The following CLINT1 variants were observed in gnomAD, a reference collection of about 807,000 sequenced individuals.
The protein encoded by CLINT1 is clathrin interactor 1.
A neutral mutation model predicts 70.4 loss-of-function variants in CLINT1; 15 were observed. The observed-to-expected ratio is 0.21, with a 90% CI of 0.14 to 0.33. The LOEUF is 0.33. CLINT1 is among the 10% of genes least tolerant of loss of function. The probability of loss-of-function intolerance (pLI) is 1.00; values close to 1 mark genes in which losing one functional copy is unlikely to be tolerated. For missense variants in CLINT1, 615 were observed against 778.1 expected (o/e 0.79, Z 2.49); for synonymous variants, 227 against 254.7 (o/e 0.89, Z 1.04).
In CLINT1 at chr5:157,797,543, G is replaced by A. The variant is rs574069046; in HGVS notation, c.1013-2571C>T. On this transcript the variant is annotated intron_variant, in intron 8 of 11. Coordinates refer to ENST00000411809, the MANE Select transcript of CLINT1 (RefSeq NM_014666.4). Reference sequence around the variant, plus strand: ...TGGGATTACAGGTGTCTGCCACCACGCCCAACTAATTTTTTTATTTTTAGT... The same window carrying A: ...TGGGATTACAGGTGTCTGCCACCACACCCAACTAATTTTTTTATTTTTAGT... Among the ~76,000 whole-genome samples, 11 of 151,938 alleles carry A rather than the reference G, an allele frequency of 7.2e-5. No individual in the cohort carries two copies. In the South Asian group the frequency reaches 2.1e-3, roughly 29 times the overall value.
Position 157,803,664 on chromosome 5 carries a change from G to A in CLINT1, c.998C>T (p.Thr333Ile). ...SGDLVDLFDG[T>I]SQSTGGSADL... The stretch of plus-strand genomic sequence containing the variant: ...TAGAAGCTTACCTGTTGACTGGCTG[G>A]TGCCATCAAACAGATCAACAAGGTC... Residue 333 changes from threonine to isoleucine, a missense_variant, in exon 8 of 12, where the codon ACC (threonine) becomes ATC (isoleucine). By Grantham distance (89) the Thr-to-Ile change is moderately conservative (BLOSUM62 -1). Around this residue, in one of 2 missense-constraint regions of CLINT1, gnomAD observed 374 missense variants for 409.6 expected, o/e 0.91. Coordinates refer to ENST00000411809, the MANE Select transcript of CLINT1 (RefSeq NM_014666.4). 6.6e-7 allele frequency: 1 copy of A among 1,524,288 alleles called. No homozygotes were observed. Among genetic ancestry groups the A allele is most frequent in the Non-Finnish European group, 8.9e-7 (1 of 1,123,268 alleles). 94.4% of individuals were successfully genotyped at this position (1,524,288 alleles called of 1,614,324 possible). A position where few individuals can be genotyped will look rare whatever the true frequency, so the allele number is the denominator to read the frequency against.
At chr5:157,811,934 T>C (rs35212858) in intron 5 of CLINT1, among the ~76,000 whole-genome samples, 11,158 of 152,222 alleles carry the variant, frequency 0.073, 567 homozygotes, top group Non-Finnish European at 0.11. Flanking sequence ...CAAAACATTA[T>C]TTATATGCTT....
intron 3 of CLINT1, among the ~76,000 whole-genome samples, chr5:157,816,273 G>A (rs1454132756): frequency 1.3e-5 from 2 of 151,948 alleles, no homozygotes; most frequent in African/African-American, 2.4e-5. Flanking sequence ...CAGAACAAAA[G>A]GAATCTGATA....
intron 4 of CLINT1, among the ~76,000 whole-genome samples, chr5:157,813,943 T>C (rs1762635713): frequency 6.6e-6 from 1 of 152,216 alleles, no homozygotes; most frequent in Non-Finnish European, 1.5e-5. Flanking sequence ...CTCCAGTGCA[T>C]ATTTTAATAT....
chr5:157,794,073 T>A (rs1761997990), intron 9 of CLINT1, among the ~76,000 whole-genome samples: 1 of 151,560 alleles, frequency 6.6e-6, no homozygotes, highest in Non-Finnish European at 1.5e-5. Flanking sequence ...TAAAAAAAAA[T>A]AAAAAAGACA....
At chr5:157,828,978 T>G (rs1050312008) in intron 1 of CLINT1, among the ~76,000 whole-genome samples, 47 of 151,154 alleles carry the variant, frequency 3.1e-4, no homozygotes, top group African/African-American at 1.1e-3. Context: ...GGTGTGCTCT[T>G]GTAGTCCCAG....
At chr5:157,826,982 A>G (rs1327128521) in intron 1 of CLINT1, among the ~76,000 whole-genome samples, 1 of 152,186 alleles carries the variant, frequency 6.6e-6, no homozygotes, top group African/African-American at 2.4e-5. Flanking sequence ...TTGCTTACAG[A>G]AGAGTTTACC....
At chr5:157,812,752 C>T (rs913368360) in intron 5 of CLINT1, among the ~76,000 whole-genome samples, 2 of 152,072 alleles carry the variant, frequency 1.3e-5, no homozygotes, top group African/African-American at 4.8e-5. Context: ...AACTTTCTTC[C>T]CCCTTCTTTT....
intron 9 of CLINT1, 106 bp downstream of exon 9, chr5:157,794,792 T>C: frequency 2.5e-6 from 2 of 800,260 alleles, no homozygotes; most frequent in South Asian, 1.6e-5. Context: ...TTATGAATAC[T>C]ACAAGGAGAA....
chr5:157,809,104 G>A (rs577631700), intron 6 of CLINT1: 1 of 152,284 alleles, frequency 6.6e-6, no homozygotes, highest in South Asian at 2.1e-4. Context: ...CACAGTGCTT[G>A]CTTCAGCAGC....
chr5:157,792,000 G>A lies in CLINT1; in HGVS notation c.1088-5C>T. The A allele has an allele frequency of 6.2e-7, 1 of 1,610,532 alleles. No homozygotes were observed. Among genetic ancestry groups the A allele is most frequent in the Non-Finnish European group, 8.5e-7 (1 of 1,178,146 alleles). On this transcript the variant is annotated splice_polypyrimidine_tract_variant and splice_region_variant and intron_variant, in intron 9 of 11. Transcript: ENST00000411809. The stretch of plus-strand genomic sequence containing the variant: ...CATTCCCACTTGTTGCTGTTACTAA[G>A]ACAGAAATAACTCTAAGGGTAAGAA...
chr5:157,859,126 C>A lies in CLINT1; in HGVS notation c.-156G>T. 2.9e-6 allele frequency: 2 copies of A among 691,400 alleles called. No homozygotes were observed. Among genetic ancestry groups the A allele is most frequent in the Non-Finnish European group, 4.6e-6 (2 of 437,172 alleles). 42.8% of individuals were successfully genotyped at this position (691,400 alleles called of 1,614,324 possible). On this transcript the variant is annotated 5_prime_UTR_variant, in exon 1 of 12. Transcript: ENST00000411809. ...TTCCTTTGCCACAGCAGCGGCGCCG[C>A]CGGTGACACGTCGAGACGCGGCAGC...
intron 9 of CLINT1, among the ~76,000 whole-genome samples, chr5:157,792,537 G>A (rs920418349): frequency 1.3e-5 from 2 of 152,038 alleles, no homozygotes; most frequent in South Asian, 4.1e-4. Flanking sequence ...GACAGAGCGA[G>A]ACTCCGTCTA....
chr5:157,788,012 A>G lies in CLINT1; in HGVS notation c.1532-20T>C. ...GCATATCTACCAGACGAAAACAGAC[A>G]GAAGAACTTTACCACAATAAATTTT... On this transcript the variant is annotated intron_variant, in intron 11 of 11. Transcript: ENST00000411809. The G allele has an allele frequency of 6.4e-7, 1 of 1,567,484 alleles. No individual in the cohort carries two copies. The highest frequency in any genetic ancestry group is 8.7e-7 in the Non-Finnish European group (1 of 1,150,290).
At chr5:157,796,892 A>C (rs933392103) in intron 8 of CLINT1, among the ~76,000 whole-genome samples, 1 of 151,542 alleles carries the variant, frequency 6.6e-6, no homozygotes, top group Admixed American at 6.6e-5. Flanking sequence ...ACATACATAT[A>C]TATATATATA....
At chr5:157,788,968 G>GAAAA (rs58634730) in intron 11 of CLINT1, among the ~76,000 whole-genome samples, 61 of 95,584 alleles carry the variant, frequency 6.4e-4, no homozygotes, top group Non-Finnish European at 6.7e-4. Flanking sequence ...CTCCATCTCA[G>GAAAA]AAAAAAAAAA....
intron 3 of CLINT1, among the ~76,000 whole-genome samples, chr5:157,815,778 G>A (rs1762702693): frequency 1.3e-5 from 2 of 152,078 alleles, no homozygotes; most frequent in African/African-American, 4.8e-5. Context: ...ATTGCTCCTT[G>A]GCTACAAACC....
At chr5:157,804,914 C>T (rs541472939) in intron 7 of CLINT1, among the ~76,000 whole-genome samples, 86 of 150,152 alleles carry the variant, frequency 5.7e-4, no homozygotes, top group Non-Finnish European at 1.0e-3. Flanking sequence ...GCAACAAGAG[C>T]GAAACTCGGT....
intron 8 of CLINT1, among the ~76,000 whole-genome samples, chr5:157,796,959 C>G (rs1762087728): frequency 6.6e-6 from 1 of 151,074 alleles, no homozygotes; most frequent in Non-Finnish European, 1.5e-5. Context: ...TGCTTCAATT[C>G]TATCTACACT....
Sources: allele counts gnomAD v4.1 joint callset (sites outside exome capture counted in the v4.1 genomes callset), GRCh38; gene constraint gnomAD v4.1.1; regional missense constraint gnomAD v4.1.1; transcripts MANE v1.5; gene names NCBI Gene and HGNC (gene_info 2026-07-23, HGNC 2026-07-21).